Variants in SREK1 observed in about 807,000 individuals in gnomAD.
SREK1 encodes splicing regulatory glutamic acid and lysine rich protein 1.
SREK1 carries 13 observed loss-of-function variants against 66.5 expected under a neutral mutation model. The ratio of observed to expected loss-of-function variants is 0.20; its 90% CI spans 0.13 to 0.31. The LOEUF (loss-of-function observed/expected upper bound fraction) is 0.31, where lower values mean the gene tolerates loss of function less well. Ranked by LOEUF, SREK1 falls within the 10% of genes least tolerant of loss-of-function variation. The pLI, the probability that SREK1 is intolerant of heterozygous loss-of-function variation, is 1.00. For missense variants in SREK1, 607 were observed against 769.6 expected (o/e 0.79, Z 2.50); for synonymous variants, 265 against 263.5 (o/e 1.01, Z -0.05).
rs911549317 is a variant in SREK1, at chr5:66,178,259, G to A, written c.1726-460G>A. ...TTATTAAGCATTTACGATGTGCCGG[G>A]CACTGTTTGTTCTCATTTAACTCTT... On this transcript the variant is annotated intron_variant, in intron 11 of 11. Transcript: ENST00000334121. Among the ~76,000 whole-genome samples, 5 of 152,104 alleles carry A rather than the reference G, an allele frequency of 3.3e-5. No homozygotes were observed. The East Asian group carries it at 9.6e-4, about 29-fold the overall frequency.
chr5:66,144,671 A>G, intron 1 of SREK1, 134 bp downstream of exon 1: 7 of 1,397,568 alleles, frequency 5.0e-6, no homozygotes, highest in Non-Finnish European at 6.6e-6. Flanking sequence ...TGGTGCCCAT[A>G]TTTGATTAGG....
chr5:66,146,140 A>G (rs1463877736), intron 1 of SREK1, among the ~76,000 whole-genome samples: 2 of 152,132 alleles, frequency 1.3e-5, no homozygotes, highest in Non-Finnish European at 2.9e-5. Flanking sequence ...GCTTTCAGCC[A>G]TCTCAATTTA....
At chr5:66,144,667 C>A (rs1742995311) in intron 1 of SREK1, 130 bp downstream of exon 1, 5 of 1,406,582 alleles carry the variant, frequency 3.6e-6, no homozygotes, top group Non-Finnish European at 4.7e-6. Context: ...ACCTTGGTGC[C>A]CATATTTGAT....
chr5:66,153,713 A>G (rs535661533), intron 2 of SREK1, 117 bp downstream of exon 2: 15 of 1,364,424 alleles, frequency 1.1e-5, no homozygotes, highest in Middle Eastern at 1.8e-4. Context: ...GAAAGTAAGA[A>G]TGAAATTTGG....
Position 66,156,005 on chromosome 5 carries a change from G to C in SREK1, c.295+2409G>C, listed in dbSNP as rs1580633075. On this transcript the variant is annotated intron_variant, in intron 2 of 11. Coordinates refer to ENST00000334121, the MANE Select transcript of SREK1 (RefSeq NM_001077199.3). Reference sequence around the variant, plus strand: ...TTATGTCCACATTTTCTGGTAGATGGATTTTGACTATTAATTTGGTTTTGT... The same window carrying C: ...TTATGTCCACATTTTCTGGTAGATGCATTTTGACTATTAATTTGGTTTTGT... 2.6e-6 allele frequency: 4 copies of C among 1,532,510 alleles called. No individual in the cohort carries two copies. The East Asian group carries it at 9.9e-5, about 38-fold the overall frequency. The allele number at this position is 1,532,510 out of a possible 1,614,324, so 94.9% of individuals were successfully genotyped here.
intron 2 of SREK1, among the ~76,000 whole-genome samples, chr5:66,155,383 A>G (rs1225562016): frequency 3.9e-5 from 6 of 152,348 alleles, no homozygotes; most frequent in Non-Finnish European, 7.3e-5. Context: ...TACGTTTTTC[A>G]TTAGTTGTAT....
chr5:66,151,260 G>A (rs1201527307), intron 1 of SREK1, among the ~76,000 whole-genome samples: 1 of 152,164 alleles, frequency 6.6e-6, no homozygotes, highest in Non-Finnish European at 1.5e-5. Flanking sequence ...TCGTTGTGGT[G>A]GAGGAAAAGA....
At chr5:66,164,517 AT>A in intron 6 of SREK1, 1 of 1,282,556 alleles carries the variant, frequency 7.8e-7, no homozygotes, top group South Asian at 1.3e-5. Flanking sequence ...TGTCACAGGA[AT>A]TACAGACATG....
rs916099147 is a variant in SREK1 at position 66,159,213 on chromosome 5, C to T, written c.296-6C>T. Reference sequence around the variant, plus strand: ...TTTTTGTAATGTTTGGAACTTGCCTCTGCAGGTAAAATCCCAGAGGAATCC... The same window carrying T: ...TTTTTGTAATGTTTGGAACTTGCCTTTGCAGGTAAAATCCCAGAGGAATCC... On this transcript the variant is annotated splice_region_variant and splice_polypyrimidine_tract_variant and intron_variant, in intron 2 of 11. Coordinates refer to ENST00000334121, the MANE Select transcript of SREK1 (RefSeq NM_001077199.3). 1.1e-5 allele frequency: 18 copies of T among 1,607,870 alleles called. No individual in the cohort carries two copies. Among genetic ancestry groups the T allele is most frequent in the Admixed American group, 5.2e-5 (3 of 58,236 alleles).
At chr5:66,175,283 T>C (rs1042984183) in intron 10 of SREK1, among the ~76,000 whole-genome samples, 1 of 152,176 alleles carries the variant, frequency 6.6e-6, no homozygotes, top group African/African-American at 2.4e-5. Context: ...CAGTTTCATA[T>C]ACAGATAACA....
intron 3 of SREK1, among the ~76,000 whole-genome samples, 155 bp downstream of exon 3, chr5:66,159,489 T>G (rs543800172): frequency 1.3e-5 from 2 of 152,230 alleles, no homozygotes; most frequent in Non-Finnish European, 1.5e-5. Context: ...TTTTTTCACT[T>G]TATCAGTGAC....
chr5:66,167,906 A>C (rs1159137756), intron 7 of SREK1: 3 of 152,180 alleles, frequency 2.0e-5, no homozygotes, highest in African/African-American at 7.2e-5. Flanking sequence ...AGATTACCCT[A>C]TGTGGATATC....
chr5:66,160,718 A>C (rs1744684177), intron 3 of SREK1, among the ~76,000 whole-genome samples: 1 of 152,192 alleles, frequency 6.6e-6, no homozygotes, highest in African/African-American at 2.4e-5. Flanking sequence ...TGATTTCATA[A>C]ACTTCCGTTT....
At chr5:66,163,371 A>G (rs560821676) in intron 5 of SREK1, 1 of 155,666 alleles carries the variant, frequency 6.4e-6, no homozygotes, top group East Asian at 1.9e-4. Flanking sequence ...AGCGTTGGTT[A>G]AAATGGTGTA....
rs372241466 is a variant in SREK1, at chr5:66,163,744, T to G, written c.756-48T>G. ...ATCATATAAATGTTTGTTTCATGTT[T>G]TATAAAATGTGGTGTGTATTTGTGA... On this transcript the variant is annotated intron_variant, in intron 5 of 11. Coordinates refer to ENST00000334121, the MANE Select transcript of SREK1 (RefSeq NM_001077199.3). The G allele has an allele frequency of 4.7e-5, 74 of 1,567,954 alleles. No homozygotes were observed. In the African/African-American group the frequency reaches 9.2e-4, roughly 19 times the overall value.
At chr5:66,150,998 A>G (rs1222763572) in intron 1 of SREK1, among the ~76,000 whole-genome samples, 2 of 151,872 alleles carry the variant, frequency 1.3e-5, no homozygotes, top group Non-Finnish European at 2.9e-5. Flanking sequence ...GTGGCACCAC[A>G]CCCAGCTAAT....
In SREK1 at chr5:66,182,891, C is replaced by G. The variant is rs1316658441; in HGVS notation, c.*4023C>G. The G allele has an allele frequency of 6.6e-6, 1 of 152,186 alleles. No homozygotes were observed. Among genetic ancestry groups the G allele is most frequent in the Non-Finnish European group, 1.5e-5 (1 of 68,032 alleles). 9.4% of individuals were successfully genotyped at this position (152,186 alleles called of 1,614,324 possible). On this transcript the variant is annotated 3_prime_UTR_variant, in exon 12 of 12. Transcript: ENST00000334121. ...CAATACGTTATTTTAAAAGTAAACG[C>G]TAAGCCATTTATGACTTTGGTTATA...
intron 2 of SREK1, chr5:66,157,798 C>T: frequency 1.8e-5 from 14 of 780,092 alleles, no homozygotes; most frequent in Non-Finnish European, 2.2e-5. Context: ...TTATTTGCTT[C>T]CTATAAATAA....
At chr5:66,165,015 A>T in intron 7 of SREK1, 118 bp downstream of exon 7, 2 of 908,284 alleles carry the variant, frequency 2.2e-6, no homozygotes, top group Non-Finnish European at 3.2e-6. Context: ...GTACACCTGA[A>T]GTGTGGTTAC....
Sources: allele counts gnomAD v4.1 joint callset (sites outside exome capture counted in the v4.1 genomes callset), GRCh38; gene constraint gnomAD v4.1.1; transcripts MANE v1.5; gene names NCBI Gene and HGNC (gene_info 2026-07-23, HGNC 2026-07-21).